The following CABLES2 variants were observed in gnomAD, a reference collection of about 807,000 sequenced individuals.
The protein encoded by CABLES2 is CDK5 and ABL1 enzyme substrate 2.
CABLES2 carries 35 observed loss-of-function variants against 44.8 expected under a neutral mutation model. The observed-to-expected ratio is 0.78, with a 90% CI of 0.60 to 1.04. The LOEUF is 1.04. Ranked by LOEUF, CABLES2 falls within the 50% of genes least tolerant of loss-of-function variation. The pLI is 0.00. For missense variants in CABLES2, 566 were observed against 615.7 expected (o/e 0.92, Z 0.85); for synonymous variants, 282 against 281.1 (o/e 1.00, Z -0.03).
intron 1 of CABLES2, among the ~76,000 whole-genome samples, chr20:62,399,437 C>T (rs1456604199): frequency 6.7e-6 from 1 of 150,188 alleles, no homozygotes; most frequent in African/African-American, 2.5e-5. Context: ...TTAGTAGAGA[C>T]GGGGTTTCAC....
intron 1 of CABLES2, among the ~76,000 whole-genome samples, chr20:62,406,479 C>T (rs773529938): frequency 6.6e-6 from 1 of 152,038 alleles, no homozygotes; most frequent in Non-Finnish European, 1.5e-5. Flanking sequence ...ACGTGGAGAT[C>T]CAGACCCCGT....
intron 7 of CABLES2, 40 bp downstream of exon 7, chr20:62,392,880 T>C: frequency 6.4e-7 from 1 of 1,567,932 alleles, no homozygotes; most frequent in South Asian, 1.1e-5. Context: ...AGGACAGGTG[T>C]GCAGCTGCCT....
At chr20:62,394,741 G>T (rs1569015702) in intron 4 of CABLES2, among the ~76,000 whole-genome samples, 196 bp downstream of exon 4, 1 of 152,238 alleles carries the variant, frequency 6.6e-6, no homozygotes, top group East Asian at 1.9e-4. Flanking sequence ...CGGCTCCTCT[G>T]GAGAGTGAGG....
At chr20:62,398,268 TGGCGGTGGTGGTGGTGGTGATGGTGGC>T (rs1988117570) in intron 1 of CABLES2, among the ~76,000 whole-genome samples, 2 of 127,688 alleles carry the variant, frequency 1.6e-5, no homozygotes, top group African/African-American at 3.3e-5. Flanking sequence ...GTGATGGTGA[TGGCGGTGGTGGTGGTGGTGATGGTGGC>T]GATGGTGATG....
intron 1 of CABLES2, chr20:62,402,741 G>T (rs540217012): frequency 6.6e-6 from 1 of 152,484 alleles, no homozygotes; most frequent in South Asian, 2.1e-4. Flanking sequence ...CCCTGCGGGG[G>T]CTGCAGCCTC....
chr20:62,389,809 A>AT lies in CABLES2; in HGVS notation c.*1161_*1162insA, dbSNP rs1317785754. 6.6e-6 allele frequency: 1 copy of AT among 152,238 alleles called. No individual in the cohort carries two copies. Among genetic ancestry groups the AT allele is most frequent in the African/African-American group, 2.4e-5 (1 of 41,444 alleles). The allele number at this position is 152,238 out of a possible 1,614,324, so 9.4% of individuals were successfully genotyped here. On this transcript the variant is annotated 3_prime_UTR_variant, in exon 10 of 10. Coordinates refer to ENST00000279101, the MANE Select transcript of CABLES2 (RefSeq NM_031215.3). ...CAAGAACTTCAGACAGACGTGGAAAAACTAGAGATGGGGCCCTGCTGGCCT... is the reference window on the plus strand; with the variant it reads ...CAAGAACTTCAGACAGACGTGGAAAATACTAGAGATGGGGCCCTGCTGGCCT...
intron 1 of CABLES2, chr20:62,402,256 AAC>A (rs1988203184): frequency 1.3e-5 from 2 of 152,236 alleles, no homozygotes; most frequent in Non-Finnish European, 2.9e-5. Context: ...CTATTTATTA[AAC>A]ACTGTTTCTA....
At chr20:62,395,952 TCTC>T (rs1035201155) in intron 3 of CABLES2, among the ~76,000 whole-genome samples, 6 of 152,168 alleles carry the variant, frequency 3.9e-5, no homozygotes, top group Non-Finnish European at 5.9e-5. Flanking sequence ...TTATTCAGCC[TCTC>T]CTCCGTGCTC....
chr20:62,391,003 G>GT lies in CABLES2; in HGVS notation c.1404dup (p.Pro469ThrfsTer33), dbSNP rs764277990. On this transcript the variant is annotated frameshift_variant, in exon 10 of 10. Transcript: ENST00000279101. LOFTEE classifies it high-confidence loss of function. This position sits in a 1 kb window ranked among gnomAD's most constrained non-coding sequence, Gnocchi z 5.7. Reference sequence around the variant, plus strand: ...TGCTGGGTGAGGCGCCTGTAATGAGGTAACACTTGGTTCTCGGGAAGATAC... The same window carrying GT: ...TGCTGGGTGAGGCGCCTGTAATGAGGTTAACACTTGGTTCTCGGGAAGATAC... 1 of 1,614,144 alleles carries GT rather than the reference G, an allele frequency of 6.2e-7. No homozygotes were observed. The highest frequency in any genetic ancestry group is 8.5e-7 in the Non-Finnish European group (1 of 1,180,028).
chr20:62,407,077 C>T lies in CABLES2; in HGVS notation c.200G>A (p.Gly67Asp). ...LDGRPPSLGP[G>D]GEKPPPPPAE... ...GGGCGGCGGCGGGGGCTTCTCTCCG[C>T]CCGGGCCCAGGCTCGGGGGCCGCCC... Residue 67 changes from glycine (G) to aspartate (D), a missense_variant, in exon 1 of 10, where the codon GGC becomes GAC. Gly to Asp is a moderately conservative substitution (Grantham distance 94). Coordinates refer to ENST00000279101, the MANE Select transcript of CABLES2 (RefSeq NM_031215.3). The T allele has an allele frequency of 8.4e-6, 9 of 1,066,704 alleles. No homozygotes were observed. Among genetic ancestry groups the T allele is most frequent in the Non-Finnish European group, 1.0e-5 (9 of 882,196 alleles). The allele number at this position is 1,066,704 out of a possible 1,614,324, so 66.1% of individuals were successfully genotyped here.
chr20:62,394,080 G>T, intron 5 of CABLES2, 77 bp downstream of exon 5: 1 of 1,085,938 alleles, frequency 9.2e-7, no homozygotes, highest in Non-Finnish European at 1.4e-6. Flanking sequence ...TGCCTCGTGG[G>T]CACTGACGTG....
rs780455800 is a variant in CABLES2, at chr20:62,395,050, G to C, written c.528-36C>G. 5 of 1,538,158 alleles carry C rather than the reference G, an allele frequency of 3.3e-6. No individual in the cohort carries two copies. The South Asian group carries it at 5.6e-5, about 17-fold the overall frequency. On this transcript the variant is annotated intron_variant, in intron 3 of 9. Transcript: ENST00000279101. ...ACGGAGTCAGGGGAGACGGGGCCGG[G>C]GAGCGGGGCTCAAGGTACTGCTGCT...
Position 62,388,818 on chromosome 20 carries a change from C to G in CABLES2, c.*2153G>C, listed in dbSNP as rs1292553761. On this transcript the variant is annotated 3_prime_UTR_variant, in exon 10 of 10. Transcript: ENST00000279101. ...GTCACAGCCGAGCTGAACACCTTAG[C>G]TCCGACACCTGGATGTGTTCTAGAG... The G allele has an allele frequency of 1.5e-5, 5 of 340,386 alleles. No individual in the cohort carries two copies. In the East Asian group the frequency reaches 3.5e-4, roughly 24 times the overall value. The allele number at this position is 340,386 out of a possible 1,614,324, so 21.1% of individuals were successfully genotyped here. A position where few individuals can be genotyped will look rare whatever the true frequency, so the allele number is the denominator to read the frequency against.
chr20:62,397,978 TG>T (rs1470666521), intron 1 of CABLES2, among the ~76,000 whole-genome samples: 90 of 112,208 alleles, frequency 8.0e-4, no homozygotes, highest in South Asian at 1.5e-3. Context: ...GTGACAGTGG[TG>T]ATGGCGGTGG....
intron 4 of CABLES2, 146 bp downstream of exon 4, chr20:62,394,791 G>A (rs1012191156): frequency 1.5e-6 from 1 of 678,224 alleles, no homozygotes; most frequent in African/African-American, 1.8e-5. Context: ...CTTTGCTGGA[G>A]GTTGACATGC....
At position 62,407,058 on chromosome 20, in the gene CABLES2, C is replaced by T; in HGVS notation, c.219G>A (p.Pro73=). The part of the protein sequence containing the change: ...SLGPGGEKPP[P]PPAEAREPPA... ...GCGGTTCGCGGGCCTCGGCGGGCGG[C>T]GGCGGGGGCTTCTCTCCGCCCGGGC... Residue 73 remains proline, a synonymous_variant, in exon 1 of 10, where the codon CCG becomes CCA. Transcript: ENST00000279101. The T allele has an allele frequency of 3.7e-6, 4 of 1,086,866 alleles. No individual in the cohort carries two copies. Among genetic ancestry groups the T allele is most frequent in the Non-Finnish European group, 4.5e-6 (4 of 895,730 alleles). 67.3% of individuals were successfully genotyped at this position (1,086,866 alleles called of 1,614,324 possible). A position where few individuals can be genotyped will look rare whatever the true frequency, so the allele number is the denominator to read the frequency against.
At position 62,396,707 on chromosome 20, in the gene CABLES2, G is replaced by A. The variant is rs961083801; in HGVS notation, c.363-115C>T. The A allele has an allele frequency of 2.2e-5, 24 of 1,072,550 alleles. No homozygotes were observed. The highest frequency in any genetic ancestry group is 1.9e-4 in the African/African-American group (12 of 63,810). 66.4% of individuals were successfully genotyped at this position (1,072,550 alleles called of 1,614,324 possible). Reference sequence around the variant, plus strand: ...AAGGGCCACTCTCCAGCCCAGCGGCGCACCCATGGGCCGAGGGGCTTCCAG... The same window carrying A: ...AAGGGCCACTCTCCAGCCCAGCGGCACACCCATGGGCCGAGGGGCTTCCAG... On this transcript the variant is annotated intron_variant, in intron 1 of 9. Transcript: ENST00000279101. The surrounding 1 kb of genome is among the most constrained non-coding windows in gnomAD (Gnocchi z 5.7).
chr20:62,392,922 T>C lies in CABLES2; in HGVS notation c.982A>G (p.Met328Val), dbSNP rs998299167. Residue 328 changes from methionine to valine, a missense_variant and splice_region_variant, in exon 7 of 10, where the codon ATG becomes GTG. Physicochemically the swap from Met to Val is conservative, Grantham distance 21. This residue lies in a region of CABLES2 where 436 missense variants were observed against 536.3 expected (regional missense o/e 0.81). Transcript: ENST00000279101. ...AGGCCCTGGGAGAGGGCACTCACCA[T>C]GTACGACGCAAAGATGAGGACACGT... ...HKRVLIFASY[M>V]TTVIEYVKPS... 1.9e-6 allele frequency: 3 copies of C among 1,613,570 alleles called. No individual in the cohort carries two copies. The highest frequency in any genetic ancestry group is 8.5e-7 in the Non-Finnish European group (1 of 1,179,696).
intron 1 of CABLES2, among the ~76,000 whole-genome samples, chr20:62,397,361 G>T (rs946281373): frequency 1.3e-5 from 2 of 152,234 alleles, no homozygotes; most frequent in South Asian, 4.1e-4. Context: ...ATGGGGCAGG[G>T]TCTGTCCCCA....
Sources: allele counts gnomAD v4.1 joint callset (sites outside exome capture counted in the v4.1 genomes callset), GRCh38; gene constraint gnomAD v4.1.1; regional missense constraint gnomAD v4.1.1; non-coding constraint Gnocchi (gnomAD v3.1); transcripts MANE v1.5; gene names NCBI Gene and HGNC (gene_info 2026-07-23, HGNC 2026-07-21).